HADHA: variants seen among roughly 807,000 people sequenced by gnomAD.
HADHA encodes the protein trifunctional enzyme subunit alpha, mitochondrial.
HADHA carries 59 observed loss-of-function variants against 91.3 expected under a neutral mutation model. The ratio of observed to expected loss-of-function variants is 0.65; its 90% CI spans 0.52 to 0.80. The LOEUF (loss-of-function observed/expected upper bound fraction) is 0.80. HADHA is among the 30% of genes least tolerant of loss of function. The pLI is 0.00. For synonymous variants in HADHA, 320 were observed against 338.9 expected (o/e 0.94, Z 0.61); for missense variants, 800 against 927.6 (o/e 0.86, Z 1.79).
chr2:26,214,507 T>A lies in HADHA; in HGVS notation c.854A>T (p.Lys285Ile). ...IPFVRQQVYKKVEEKVRKQTK... is the reference protein window; with the variant it reads ...IPFVRQQVYKIVEEKVRKQTK... The stretch of plus-strand genomic sequence containing the variant: ...CTGCTTTCGCACTTTTTCTTCCACT[T>A]TTTTGTAAACCTGTTGCCTGACAAA... Residue 285 changes from lysine (K) to isoleucine (I), a missense_variant, in exon 9 of 20, where the codon AAA becomes ATA. Lys to Ile is a moderately radical substitution (Grantham distance 102). Transcript: ENST00000380649. This position sits in a 1 kb window ranked among gnomAD's most constrained non-coding sequence, Gnocchi z 4.1. The A allele has an allele frequency of 6.2e-7, 1 of 1,609,656 alleles. No individual in the cohort carries two copies. The highest frequency in any genetic ancestry group is 8.5e-7 in the Non-Finnish European group (1 of 1,176,702).
At chr2:26,198,367 ATGTTTTTTTTT>A (rs1349135885) in intron 13 of HADHA, among the ~76,000 whole-genome samples, 31 of 89,852 alleles carry the variant, frequency 3.5e-4, no homozygotes, top group African/African-American at 9.2e-4. Flanking sequence ...CAACTTATTC[ATGTTTTTTTTT>A]TGTTTTTTTT....
chr2:26,236,420 G>GTGTGTGTGTATATA (rs553522257), intron 4 of HADHA, among the ~76,000 whole-genome samples: 1 of 116,478 alleles, frequency 8.6e-6, no homozygotes, highest in Non-Finnish European at 1.7e-5. Context: ...GTGTGTGTGT[G>GTGTGTGTGTATATA]TATATACTTT....
Position 26,215,171 on chromosome 2 carries a change from T to C in HADHA, c.681A>G (p.Pro227=). 6.2e-7 allele frequency: 1 copy of C among 1,613,194 alleles called. No individual in the cohort carries two copies. Among genetic ancestry groups the C allele is most frequent in the Non-Finnish European group, 8.5e-7 (1 of 1,179,198 alleles). ...LVDQLVEPLG[P]GLKPPEERTI... is the part of the protein sequence containing the mutation. ...TCCGTTCCTCTGGAGGTTTTAGTCC[T>C]GGTCCTATAAAAATGAATGCAACAC... The change falls in exon 8 of 20, where the codon CCA becomes CCG. Residue 227 remains proline (P), a synonymous_variant. Coordinates refer to ENST00000380649, the MANE Select transcript of HADHA (RefSeq NM_000182.5).
intron 3 of HADHA, among the ~76,000 whole-genome samples, chr2:26,238,022 TAG>T (rs538634478): frequency 6.6e-6 from 1 of 152,216 alleles, no homozygotes. Context: ...TGTTGTTTTT[TAG>T]AGAGACAAGG....
intron 10 of HADHA, chr2:26,212,303 T>C: frequency 2.2e-6 from 1 of 451,084 alleles, no homozygotes; most frequent in Non-Finnish European, 4.1e-6. Flanking sequence ...CACATGCTGG[T>C]CTTGAACTCC....
At chr2:26,207,140 G>A (rs1396814919) in intron 11 of HADHA, among the ~76,000 whole-genome samples, 2 of 152,066 alleles carry the variant, frequency 1.3e-5, no homozygotes, top group Non-Finnish European at 2.9e-5. Context: ...TAAGGTTATG[G>A]TGAGCTGTGA....
rs749180863 is a variant in HADHA at position 26,195,086 on chromosome 2, C to T, written c.1620+6G>A. On this transcript the variant is annotated splice_donor_region_variant and intron_variant, in intron 15 of 19. Transcript: ENST00000380649. ...AACTCTGCAGCTCTGTTATACAGCC[C>T]CTTACCTTAACCACAATGATGACCT... is the stretch of plus-strand genomic sequence containing the variant. 1 of 1,611,190 alleles carries T rather than the reference C, an allele frequency of 6.2e-7. No homozygotes were observed. Among genetic ancestry groups the T allele is most frequent in the Admixed American group, 1.7e-5 (1 of 59,986 alleles).
At chr2:26,200,801 C>T (rs908711739) in intron 13 of HADHA, among the ~76,000 whole-genome samples, 1 of 151,272 alleles carries the variant, frequency 6.6e-6, no homozygotes, top group Non-Finnish European at 1.5e-5. Context: ...GGCGTGATCT[C>T]GGCTCACTGC....
rs60085478 is a variant in HADHA, at chr2:26,201,139, C to T, written c.1392+10G>A. 4.1e-3 allele frequency: 6,565 copies of T among 1,603,088 alleles called. 220 individuals are homozygous for T. In the African/African-American group the frequency reaches 0.075, roughly 18 times the overall value. ...ACACTAGGATTCAAGTACAACAGCC[C>T]CTTGCTTACCGCTTCTACTTCCTTT... On this transcript the variant is annotated intron_variant, in intron 13 of 19. Transcript: ENST00000380649.
chr2:26,199,209 C>CT, intron 13 of HADHA: 1 of 152,168 alleles, frequency 6.6e-6, no homozygotes, highest in Middle Eastern at 3.4e-3. Flanking sequence ...CAAAAAATAA[C>CT]TTTAAAAAAC....
rs1670560037 is a variant in HADHA, at chr2:26,229,348, G to GTGCACACA, written c.676+843_676+844insTGTGTGCA. ...GTGAGACCCCAACATGTGTGCGCGC[G>GTGCACACA]CACACACACACACACACACACACAC... On this transcript the variant is annotated intron_variant, in intron 7 of 19. Coordinates refer to ENST00000380649, the MANE Select transcript of HADHA (RefSeq NM_000182.5). The surrounding 1 kb of genome is among the most constrained non-coding windows in gnomAD (Gnocchi z 4.3). 4.7e-4 allele frequency among the ~76,000 whole-genome samples: 70 copies of GTGCACACA among 147,518 alleles called. No individual in the cohort carries two copies. The highest frequency in any genetic ancestry group is 3.3e-4 in the Non-Finnish European group (22 of 67,104).
intron 17 of HADHA, among the ~76,000 whole-genome samples, chr2:26,192,908 C>T (rs564791036): frequency 2.8e-4 from 43 of 152,140 alleles, no homozygotes; most frequent in Non-Finnish European, 5.1e-4. Context: ...TCTTGTGACC[C>T]GGAGCTTGGG....
At position 26,191,357 on chromosome 2, in the gene HADHA, T is replaced by C. The variant is rs1669492430; in HGVS notation, c.2185A>G (p.Ile729Val). Residue 729 changes from isoleucine (I) to valine (V), a missense_variant, in exon 20 of 20, where the codon ATA becomes GTA. Coordinates refer to ENST00000380649, the MANE Select transcript of HADHA (RefSeq NM_000182.5). ...RFVDLYGAQK[I>V]VDRLKKYEAA... ...TCATATTTCTTGAGCCGGTCCACTATCTTCTGGGCGCCATACAGATCCACA... is the reference window on the plus strand; with the variant it reads ...TCATATTTCTTGAGCCGGTCCACTACCTTCTGGGCGCCATACAGATCCACA... 1.2e-6 allele frequency: 2 copies of C among 1,614,028 alleles called. No homozygotes were observed. The highest frequency in any genetic ancestry group is 1.7e-5 in the Admixed American group (1 of 60,004).
chr2:26,196,933 A>G (rs1419268564), intron 14 of HADHA, among the ~76,000 whole-genome samples: 1 of 152,168 alleles, frequency 6.6e-6, no homozygotes, highest in African/African-American at 2.4e-5. Flanking sequence ...TCCCCGCATC[A>G]CTTCTAATCT....
intron 7 of HADHA, among the ~76,000 whole-genome samples, chr2:26,223,496 A>T (rs1466154224): frequency 6.6e-6 from 1 of 152,218 alleles, no homozygotes; most frequent in African/African-American, 2.4e-5. Flanking sequence ...CAAAGGGAAT[A>T]TGAAAAGGGG....
chr2:26,208,821 A>G (rs1213630247), intron 11 of HADHA, among the ~76,000 whole-genome samples: 5 of 152,230 alleles, frequency 3.3e-5, no homozygotes, highest in Non-Finnish European at 1.5e-5. Context: ...CAGTCACTAA[A>G]TGTTTGAGAG....
intron 7 of HADHA, among the ~76,000 whole-genome samples, chr2:26,222,484 C>T (rs1007947390): frequency 6.6e-6 from 1 of 152,104 alleles, no homozygotes; most frequent in Non-Finnish European, 1.5e-5. Context: ...GTGACCTCAG[C>T]CGAGGATTTC....
In HADHA at chr2:26,195,246, C is replaced by T. The variant is rs1367738111; in HGVS notation, c.1480-14G>A. On this transcript the variant is annotated splice_polypyrimidine_tract_variant and intron_variant, in intron 14 of 19. Transcript: ENST00000380649. ...CATGCCAATCACCTGGCAAGGGGAA[C>T]CAAAAGCCAACAGATCGGAGAATGC... 4 of 1,610,048 alleles carry T rather than the reference C, an allele frequency of 2.5e-6. No individual in the cohort carries two copies. The highest frequency in any genetic ancestry group is 1.7e-5 in the Admixed American group (1 of 59,986).
At chr2:26,212,475 T>C (rs1294568517) in intron 10 of HADHA, 95 bp downstream of exon 10, 1 of 888,142 alleles carries the variant, frequency 1.1e-6, no homozygotes, top group African/African-American at 1.7e-5. Flanking sequence ...TTACTAGGCT[T>C]TGGATATTTT....
Sources: allele counts gnomAD v4.1 joint callset (sites outside exome capture counted in the v4.1 genomes callset), GRCh38; gene constraint gnomAD v4.1.1; non-coding constraint Gnocchi (gnomAD v3.1); transcripts MANE v1.5; gene names NCBI Gene and HGNC (gene_info 2026-07-23, HGNC 2026-07-21).